RNF10: variants seen among roughly 807,000 people sequenced by gnomAD.
RNF10 encodes the protein E3 ubiquitin-protein ligase RNF10.
RNF10 carries 38 observed loss-of-function variants against 91.4 expected under a neutral mutation model. That is an observed-to-expected ratio of 0.42 (90% confidence interval 0.32 to 0.54). The LOEUF (loss-of-function observed/expected upper bound fraction) is 0.54, where lower values mean the gene tolerates loss of function less well. RNF10 is among the 20% of genes least tolerant of loss of function. The probability of loss-of-function intolerance (pLI) is 0.16; values close to 1 mark genes in which losing one functional copy is unlikely to be tolerated. For synonymous variants in RNF10, 364 were observed against 366.3 expected (o/e 0.99, Z 0.07); for missense variants, 945 against 1,012.0 (o/e 0.93, Z 0.90).
chr12:120,575,634 C>T lies in RNF10; in HGVS notation c.2146C>T (p.Leu716=). The T allele has an allele frequency of 6.2e-7, 1 of 1,614,192 alleles. No homozygotes were observed. The highest frequency in any genetic ancestry group is 8.5e-7 in the Non-Finnish European group (1 of 1,180,036). ...DSPFPSFAQM[L]RVGKAKADVW... ...CACTTCTTTCCCACTTTGGCAGATG[C>T]TGAGGGTTGGAAAAGCAAAAGCAGA... is the stretch of plus-strand genomic sequence containing the variant. Residue 716 remains leucine, a synonymous_variant, in exon 15 of 17, where the codon CTG becomes TTG. Coordinates refer to ENST00000325954, the MANE Select transcript of RNF10 (RefSeq NM_014868.5).
rs914182326 is a variant in RNF10 at position 120,560,969 on chromosome 12, C to T, written c.1128+83C>T. On this transcript the variant is annotated intron_variant, in intron 7 of 16. Transcript: ENST00000325954. Reference sequence around the variant, plus strand: ...AAACCAGAAATGCTAAACCTTTTCACTCTGTCGGGGGTGAGATGATGGACG... The same window carrying T: ...AAACCAGAAATGCTAAACCTTTTCATTCTGTCGGGGGTGAGATGATGGACG... The T allele has an allele frequency of 3.6e-6, 5 of 1,401,074 alleles. No individual in the cohort carries two copies. In the African/African-American group the frequency reaches 5.6e-5, roughly 16 times the overall value. The allele number at this position is 1,401,074 out of a possible 1,614,324, so 86.8% of individuals were successfully genotyped here. A position where few individuals can be genotyped will look rare whatever the true frequency, so the allele number is the denominator to read the frequency against.
chr12:120,544,698 A>G (rs566810897), intron 1 of RNF10, among the ~76,000 whole-genome samples: 6 of 152,318 alleles, frequency 3.9e-5, no homozygotes, highest in Non-Finnish European at 8.8e-5. Flanking sequence ...TTGTTAGAGT[A>G]TAAATAAATC....
rs35567785 is a variant in RNF10 at position 120,572,900 on chromosome 12, C to CTTTT, written c.2142+1627_2142+1630dup. Among the ~76,000 whole-genome samples the CTTTT allele has an allele frequency of 8.5e-4, 85 of 100,586 alleles. 2 individuals carry two copies. In the East Asian group the frequency reaches 0.013, roughly 15 times the overall value. The allele number at this position is 100,586 out of a possible 152,430, so 66.0% of individuals were successfully genotyped here. A position where few individuals can be genotyped will look rare whatever the true frequency, so the allele number is the denominator to read the frequency against. On this transcript the variant is annotated intron_variant, in intron 14 of 16. Transcript: ENST00000325954. ...ACAGACATGAACCACTGCGCCTGGC[C>CTTTT]TTTTTTTTTTTTTTTTTTTTTAAAC... is the stretch of plus-strand genomic sequence containing the variant.
Position 120,534,725 on chromosome 12 carries a change from G to C in RNF10, c.-87G>C. On this transcript the variant is annotated 5_prime_UTR_variant, in exon 1 of 17. Coordinates refer to ENST00000325954, the MANE Select transcript of RNF10 (RefSeq NM_014868.5). ...AAGGCCGAGAACCGCTGCCGCCGCC[G>C]ACCCCCGCCGGCCCTGAACGCCATG... 7.1e-7 allele frequency: 1 copy of C among 1,410,418 alleles called. No homozygotes were observed. The highest frequency in any genetic ancestry group is 9.1e-7 in the Non-Finnish European group (1 of 1,093,788). The allele number at this position is 1,410,418 out of a possible 1,614,324, so 87.4% of individuals were successfully genotyped here.
chr12:120,576,054 C>T (rs1877351093), intron 16 of RNF10, 104 bp downstream of exon 16: 5 of 1,153,284 alleles, frequency 4.3e-6, no homozygotes, highest in South Asian at 1.3e-5. Flanking sequence ...GGCTCTTTCC[C>T]TTCTGAACCC....
At chr12:120,541,422 A>G (rs1871541843) in intron 1 of RNF10, among the ~76,000 whole-genome samples, 1 of 147,436 alleles carries the variant, frequency 6.8e-6, no homozygotes, top group African/African-American at 2.5e-5. Context: ...GGGGTTCTGC[A>G]TCCCCTGAGT....
intron 7 of RNF10, among the ~76,000 whole-genome samples, chr12:120,562,517 G>A (rs774218292): frequency 5.3e-5 from 8 of 151,884 alleles, no homozygotes; most frequent in Admixed American, 1.3e-4. Context: ...CAGGTGATCC[G>A]CCCACCTCAG....
intron 4 of RNF10, among the ~76,000 whole-genome samples, chr12:120,555,908 C>T (rs892983437): frequency 6.6e-6 from 1 of 151,936 alleles, no homozygotes; most frequent in South Asian, 2.1e-4. Context: ...CATGCCTCAG[C>T]CTCCTGAGTA....
chr12:120,552,848 T>C, intron 3 of RNF10, 150 bp downstream of exon 3: 1 of 677,628 alleles, frequency 1.5e-6, no homozygotes, highest in Non-Finnish European at 2.5e-6. Context: ...TGCCCCGCCC[T>C]TCCTTTCTTT....
intron 2 of RNF10, among the ~76,000 whole-genome samples, chr12:120,550,273 G>T (rs1872852945): frequency 6.6e-6 from 1 of 152,056 alleles, no homozygotes. Flanking sequence ...GATGGGAGGG[G>T]CAAGCTAATT....
intron 2 of RNF10, among the ~76,000 whole-genome samples, chr12:120,549,167 T>A (rs1380566727): frequency 1.3e-5 from 2 of 151,980 alleles, no homozygotes; most frequent in African/African-American, 2.4e-5. Context: ...GAAGGCCTGG[T>A]GATGGAGGTG....
At chr12:120,565,015 C>T in intron 10 of RNF10, 57 bp from the exon 11 acceptor site, 1 of 1,183,230 alleles carries the variant, frequency 8.5e-7, no homozygotes, top group Admixed American at 1.7e-5. Context: ...GGTTAGGACC[C>T]CCTGCTTTCA....
intron 14 of RNF10, among the ~76,000 whole-genome samples, chr12:120,573,329 A>G (rs1366110356): frequency 1.3e-5 from 2 of 152,156 alleles, no homozygotes; most frequent in Non-Finnish European, 2.9e-5. Context: ...CCTTTGATCT[A>G]TAACCGTTCC....
chr12:120,562,196 C>T (rs1874933377), intron 7 of RNF10, among the ~76,000 whole-genome samples: 1 of 151,540 alleles, frequency 6.6e-6, no homozygotes, highest in Non-Finnish European at 1.5e-5. Flanking sequence ...CTCTATGTGT[C>T]CATGTTTCAT....
rs149113802 is a variant in RNF10 at position 120,567,807 on chromosome 12, G to T, written c.2041+827G>T. Among the ~76,000 whole-genome samples the T allele has an allele frequency of 1.3e-4, 20 of 151,660 alleles. No individual in the cohort carries two copies. In the East Asian group the frequency reaches 3.7e-3, roughly 28 times the overall value. On this transcript the variant is annotated intron_variant, in intron 13 of 16. Coordinates refer to ENST00000325954, the MANE Select transcript of RNF10 (RefSeq NM_014868.5). ...ATTTGTAGAACAAGAATAAATGTTC[G>T]TGGGTTTTAAAAAAACACCACCACC...
intron 8 of RNF10, 89 bp downstream of exon 8, chr12:120,563,159 A>G: frequency 6.4e-7 from 1 of 1,574,764 alleles, no homozygotes; most frequent in Non-Finnish European, 8.7e-7. Flanking sequence ...AAACCTTCTC[A>G]AGAGAAGAGG....
intron 3 of RNF10, among the ~76,000 whole-genome samples, chr12:120,553,348 A>G (rs1873447356): frequency 6.6e-6 from 1 of 150,636 alleles, no homozygotes; most frequent in Non-Finnish European, 1.5e-5. Context: ...TCGGCCTCCC[A>G]AAGTGCTGGG....
intron 7 of RNF10, among the ~76,000 whole-genome samples, chr12:120,562,576 A>G (rs745803264): frequency 9.2e-5 from 14 of 152,144 alleles, no homozygotes; most frequent in Non-Finnish European, 1.6e-4. Context: ...ACCTGGCCGT[A>G]TGTGTCTTTA....
At chr12:120,565,337 CCTACTGTTG>C in intron 11 of RNF10, 82 bp from the exon 12 acceptor site, 2 of 1,256,560 alleles carry the variant, frequency 1.6e-6, no homozygotes, top group Non-Finnish European at 2.3e-6. Context: ...TCCAGCTGGG[CCTACTGTTG>C]TGGGTTTAGC....
Sources: allele counts gnomAD v4.1 joint callset (sites outside exome capture counted in the v4.1 genomes callset), GRCh38; gene constraint gnomAD v4.1.1; transcripts MANE v1.5; gene names NCBI Gene and HGNC (gene_info 2026-07-23, HGNC 2026-07-21).